CCBE1: variants seen among roughly 807,000 people sequenced by gnomAD.
The protein encoded by CCBE1 is collagen and calcium binding EGF domains 1, also known as collagen and calcium-binding EGF domain-containing protein 1.
Under a neutral mutation model 50.0 loss-of-function variants are expected in CCBE1, and 37 were observed. The observed-to-expected ratio is 0.74, with a 90% CI of 0.57 to 0.97. The LOEUF (loss-of-function observed/expected upper bound fraction) is 0.97, where lower values mean the gene tolerates loss of function less well. CCBE1 is among the 50% of genes least tolerant of loss of function. The pLI is 0.00. For missense variants in CCBE1, 538 were observed against 523.8 expected, an observed-to-expected ratio of 1.03 and a Z score of -0.26; for synonymous variants, 234 against 203.7, an observed-to-expected ratio of 1.15 and a Z score of -1.27.
intron 2 of CCBE1, among the ~76,000 whole-genome samples, chr18:59,623,287 C>G (rs977460318): frequency 6.6e-6 from 1 of 152,216 alleles, no homozygotes; most frequent in Non-Finnish European, 1.5e-5. Context: ...CGCTGCCATT[C>G]TGTGTCTATC....
chr18:59,575,485 G>A (rs1325437277), intron 2 of CCBE1, among the ~76,000 whole-genome samples: 3 of 152,188 alleles, frequency 2.0e-5, no homozygotes, highest in Non-Finnish European at 4.4e-5. Context: ...TCCTCAGACT[G>A]AGAATGTTCA....
intron 2 of CCBE1, among the ~76,000 whole-genome samples, chr18:59,580,272 C>A (rs945261200): frequency 2.0e-5 from 3 of 152,174 alleles, no homozygotes; most frequent in Admixed American, 2.0e-4. Flanking sequence ...CAACCGTTGG[C>A]CTCTTATCTA....
intron 2 of CCBE1, among the ~76,000 whole-genome samples, chr18:59,547,064 G>GA (rs1568199177): frequency 1.1e-4 from 12 of 106,856 alleles, no homozygotes; most frequent in Non-Finnish European, 2.1e-4. Context: ...GGAGAGAGGG[G>GA]GAGAGAGGGG....
chr18:59,498,080 C>T (rs977001600), intron 2 of CCBE1, among the ~76,000 whole-genome samples: 2 of 152,300 alleles, frequency 1.3e-5, no homozygotes, highest in African/African-American at 2.4e-5. Flanking sequence ...GGAGGCACCA[C>T]GCCTAGGACT....
chr18:59,686,968 A>G (rs1381352154), intron 2 of CCBE1, among the ~76,000 whole-genome samples: 1 of 142,384 alleles, frequency 7.0e-6, no homozygotes, highest in Non-Finnish European at 1.6e-5. Flanking sequence ...CCTTGCCTCT[A>G]AAGGGCATTA....
chr18:59,555,978 C>G (rs1186887654), intron 2 of CCBE1, among the ~76,000 whole-genome samples: 1 of 152,182 alleles, frequency 6.6e-6, no homozygotes, highest in Non-Finnish European at 1.5e-5. Context: ...GCTTTGATAA[C>G]AAAGCACACT....
chr18:59,622,829 G>GAAAA (rs372756620), intron 2 of CCBE1, among the ~76,000 whole-genome samples: 1 of 137,328 alleles, frequency 7.3e-6, no homozygotes. Flanking sequence ...AAAGAAAAAA[G>GAAAA]AAAAAAAAAA....
At chr18:59,584,109 A>T (rs2053138107) in intron 2 of CCBE1, among the ~76,000 whole-genome samples, 1 of 152,190 alleles carries the variant, frequency 6.6e-6, no homozygotes, top group East Asian at 1.9e-4. Context: ...CCAAATGTCC[A>T]ACAATGATAG....
At chr18:59,473,142 A>T (rs962207265) in intron 3 of CCBE1, among the ~76,000 whole-genome samples, 13 of 152,178 alleles carry the variant, frequency 8.5e-5, no homozygotes, top group Non-Finnish European at 1.5e-4. Context: ...AATATTCTCC[A>T]TTGGCTTCCT....
intron 2 of CCBE1, among the ~76,000 whole-genome samples, chr18:59,592,430 C>T (rs960572479): frequency 2.0e-5 from 3 of 152,048 alleles, no homozygotes; most frequent in Non-Finnish European, 2.9e-5. Flanking sequence ...ACTCAAAACC[C>T]GTATTTAAGA....
intron 3 of CCBE1, 97 bp from the exon 4 acceptor site, chr18:59,469,704 A>G: frequency 1.3e-6 from 2 of 1,520,832 alleles, no homozygotes; most frequent in Non-Finnish European, 1.8e-6. Context: ...GCTCTGCTCA[A>G]GGGCACGTGT....
intron 2 of CCBE1, among the ~76,000 whole-genome samples, chr18:59,657,404 C>T (rs1321967745): frequency 6.6e-6 from 1 of 152,216 alleles, no homozygotes; most frequent in African/African-American, 2.4e-5. Context: ...AGACCAACGT[C>T]CCTGCCTCCA....
At chr18:59,448,405 C>G (rs1009440661) in intron 6 of CCBE1, among the ~76,000 whole-genome samples, 2 of 152,082 alleles carry the variant, frequency 1.3e-5, no homozygotes, top group Non-Finnish European at 2.9e-5. Context: ...TTATTTCATA[C>G]TCTCAATTTT....
intron 2 of CCBE1, among the ~76,000 whole-genome samples, chr18:59,501,780 C>A (rs1243977870): frequency 6.6e-6 from 1 of 152,206 alleles, no homozygotes; most frequent in Non-Finnish European, 1.5e-5. Context: ...AACCACAGAA[C>A]AACTAAGTCA....
chr18:59,468,493 A>C lies in CCBE1; in HGVS notation c.400+980T>G, dbSNP rs576459792. Among the ~76,000 whole-genome samples the C allele has an allele frequency of 1.5e-3, 225 of 152,316 alleles. 1 individual carries two copies. The highest frequency in any genetic ancestry group is 4.7e-3 in the African/African-American group (194 of 41,576). On this transcript the variant is annotated intron_variant, in intron 4 of 10. Coordinates refer to ENST00000439986, the MANE Select transcript of CCBE1 (RefSeq NM_133459.4). ...AATGGCCTGTACCTTTCTCTGCAGG[A>C]GAGGCCAGAGATCCCTGCCCCATTC...
At chr18:59,651,258 A>T (rs1410355493) in intron 2 of CCBE1, among the ~76,000 whole-genome samples, 1 of 152,200 alleles carries the variant, frequency 6.6e-6, no homozygotes, top group Non-Finnish European at 1.5e-5. Context: ...CCATGAAGCA[A>T]GTTGACACAC....
At chr18:59,489,987 G>GTTTTTTT (rs199609938) in intron 2 of CCBE1, among the ~76,000 whole-genome samples, 3 of 122,218 alleles carry the variant, frequency 2.5e-5, no homozygotes, top group Non-Finnish European at 3.2e-5. Flanking sequence ...CGCATAAGGA[G>GTTTTTTT]TTTTTTTTTT....
At chr18:59,630,733 A>G (rs950914720) in intron 2 of CCBE1, among the ~76,000 whole-genome samples, 1 of 152,202 alleles carries the variant, frequency 6.6e-6, no homozygotes, top group African/African-American at 2.4e-5. Context: ...GTCCCAATGA[A>G]CAAGGCTGCA....
chr18:59,682,627 A>G (rs936762688), intron 2 of CCBE1, among the ~76,000 whole-genome samples: 15 of 152,240 alleles, frequency 9.9e-5, no homozygotes, highest in African/African-American at 2.7e-4. Flanking sequence ...TTAGCACCCT[A>G]TTTAACCAGG....
Sources: allele counts gnomAD v4.1 joint callset (sites outside exome capture counted in the v4.1 genomes callset), GRCh38; gene constraint gnomAD v4.1.1; transcripts MANE v1.5; gene names NCBI Gene and HGNC (gene_info 2026-07-23, HGNC 2026-07-21).